The following INSL6 variants were observed in gnomAD, a reference collection of about 807,000 sequenced individuals.
INSL6 encodes the protein insulin like 6.
Under a neutral mutation model 9.4 loss-of-function variants are expected in INSL6, and 16 were observed. That is an observed-to-expected ratio of 1.70 (90% CI 1.15 to 2.59). INSL6 has a LOEUF of 2.59. Among genes scored for constraint, INSL6 ranks in the 30% most tolerant of loss-of-function variants. INSL6 has a pLI of 0.00. For missense variants in INSL6, 391 were observed against 257.3 expected (o/e 1.52, Z -3.56); for synonymous variants, 154 against 96.9 (o/e 1.59, Z -3.46).
chr9:5,148,919 C>T (rs1824655556), intron 2 of INSL6, among the ~76,000 whole-genome samples: 1 of 151,222 alleles, frequency 6.6e-6, no homozygotes, highest in Non-Finnish European at 1.5e-5. Flanking sequence ...CTGGGAGGTG[C>T]TGGTGGGCAA....
the INSL6 span, chr9:5,090,610 C>T: frequency 1.6e-5 from 25 of 1,544,346 alleles, no homozygotes; most frequent in Admixed American, 2.5e-4. Context: ...ATGAAGCAAC[C>T]GTGTTGAAGT....
chr9:5,059,516 A>G, the INSL6 span, among the ~76,000 whole-genome samples: 1 of 152,144 alleles, frequency 6.6e-6, no homozygotes, highest in Non-Finnish European at 1.5e-5. Flanking sequence ...TAAATTTACC[A>G]TGAACATTCT....
At chr9:5,041,765 C>G in the INSL6 span, 1 of 488,932 alleles carries the variant, frequency 2.0e-6, no homozygotes, top group Non-Finnish European at 4.1e-6. Flanking sequence ...TCCACACCGA[C>G]CTGCCCTCCC....
chr9:5,035,050 A>T, the INSL6 span, among the ~76,000 whole-genome samples: 4 of 152,348 alleles, frequency 2.6e-5, no homozygotes, highest in African/African-American at 7.2e-5. Flanking sequence ...GATAAAGGGG[A>T]TATCAACCCG....
downstream of INSL6, among the ~76,000 whole-genome samples, chr9:5,159,261 A>G (rs1166546384): frequency 6.6e-6 from 1 of 152,184 alleles, no homozygotes; most frequent in South Asian, 2.1e-4. Flanking sequence ...CAGAAAATAT[A>G]TAACAAAATG....
the INSL6 span, among the ~76,000 whole-genome samples, chr9:5,010,724 T>C: frequency 6.6e-6 from 1 of 152,204 alleles, no homozygotes; most frequent in Non-Finnish European, 1.5e-5. Flanking sequence ...TAAACCTGAG[T>C]TTACATGTAA....
At chr9:5,121,279 C>T (rs1823600819), downstream of INSL6, among the ~76,000 whole-genome samples, 1 of 152,202 alleles carries the variant, frequency 6.6e-6, no homozygotes. Context: ...AAGGAAATCT[C>T]ACCCTTTTAT....
At chr9:5,095,713 G>A in the INSL6 span, among the ~76,000 whole-genome samples, 2 of 152,058 alleles carry the variant, frequency 1.3e-5, no homozygotes, top group African/African-American at 2.4e-5. Flanking sequence ...ATCCATTAAC[G>A]TAAGCGGTTG....
chr9:5,087,600 T>TAAAAGTGAGAC, the INSL6 span, among the ~76,000 whole-genome samples: 1 of 152,222 alleles, frequency 6.6e-6, no homozygotes, highest in African/African-American at 2.4e-5. Flanking sequence ...CATTCCGAAT[T>TAAAAGTGAGAC]AAAAGTGAGA....
At chr9:5,143,988 T>C (rs1399957427) in intron 2 of INSL6, among the ~76,000 whole-genome samples, 1 of 152,202 alleles carries the variant, frequency 6.6e-6, no homozygotes, top group Non-Finnish European at 1.5e-5. Context: ...TCATTTTTCC[T>C]GTCTGTATCT....
chr9:5,111,503 G>A, the INSL6 span: 2 of 368,372 alleles, frequency 5.4e-6, no homozygotes, highest in East Asian at 7.0e-5. Context: ...GGATGCCGCC[G>A]CCTATCCATC....
At chr9:5,057,568 G>C in the INSL6 span, among the ~76,000 whole-genome samples, 50,063 of 146,562 alleles carry the variant, frequency 0.34, 9,198 homozygotes, top group African/African-American at 0.49. Flanking sequence ...CTTGCAACCA[G>C]CATTCTACTT....
intron 1 of INSL6, among the ~76,000 whole-genome samples, chr9:5,173,598 G>A (rs2130914271): frequency 6.6e-6 from 1 of 152,094 alleles, no homozygotes; most frequent in Admixed American, 6.5e-5. Flanking sequence ...AACACACAAT[G>A]GGGCCTGTCA....
At chr9:5,165,109 G>A (rs1825021561) in intron 1 of INSL6, among the ~76,000 whole-genome samples, 1 of 152,212 alleles carries the variant, frequency 6.6e-6, no homozygotes, top group Non-Finnish European at 1.5e-5. Context: ...TACTTGGGAT[G>A]CTGAGGCATG....
the INSL6 span, among the ~76,000 whole-genome samples, chr9:5,005,290 C>T: frequency 1.7e-4 from 25 of 151,298 alleles, no homozygotes; most frequent in African/African-American, 6.1e-4. Context: ...GTCCTTTGCC[C>T]ATTTTTAAAT....
At chr9:5,057,238 T>C in the INSL6 span, among the ~76,000 whole-genome samples, 1 of 151,272 alleles carries the variant, frequency 6.6e-6, no homozygotes, top group Non-Finnish European at 1.5e-5. Context: ...ATACTTCTTC[T>C]CTGTGTATTT....
chr9:5,111,400 C>T, the INSL6 span: 12 of 402,490 alleles, frequency 3.0e-5, no homozygotes, highest in East Asian at 3.1e-4. Context: ...AGGCGGACAG[C>T]GGCCTGGACA....
intron 1 of INSL6, among the ~76,000 whole-genome samples, chr9:5,177,079 G>T (rs746984879): frequency 1.3e-5 from 2 of 152,122 alleles, no homozygotes; most frequent in Non-Finnish European, 2.9e-5. Context: ...TGGGGTCGGG[G>T]GGAGTTGGGT....
chr9:5,029,912 T>G, the INSL6 span: 15 of 1,576,046 alleles, frequency 9.5e-6, no homozygotes, highest in South Asian at 1.7e-4. Context: ...ATAAGGTACT[T>G]TCTTCAGTAA....
Sources: allele counts gnomAD v4.1 joint callset (sites outside exome capture counted in the v4.1 genomes callset), GRCh38; gene constraint gnomAD v4.1.1; transcripts MANE v1.5; gene names NCBI Gene and HGNC (gene_info 2026-07-23, HGNC 2026-07-21).